TRPC7: variants seen among roughly 807,000 people sequenced by gnomAD.
The protein encoded by TRPC7 is transient receptor potential cation channel subfamily C member 7, also known as short transient receptor potential channel 7.
Under a neutral mutation model 90.1 loss-of-function variants are expected in TRPC7, and 42 were observed. That is an observed-to-expected ratio of 0.47 (90% CI 0.36 to 0.60). The LOEUF (loss-of-function observed/expected upper bound fraction) is 0.60, where lower values mean the gene tolerates loss of function less well. Among genes scored for constraint, TRPC7 ranks in the 20% least tolerant of loss-of-function variants. The pLI is 0.00. For missense variants in TRPC7, 955 were observed against 1,112.3 expected, an observed-to-expected ratio of 0.86 and a Z score of 2.01; for synonymous variants, 451 against 436.3, an observed-to-expected ratio of 1.03 and a Z score of -0.42.
At chr5:136,228,406 G>A (rs2149796015) in intron 8 of TRPC7, among the ~76,000 whole-genome samples, 1 of 151,122 alleles carries the variant, frequency 6.6e-6, no homozygotes, top group Non-Finnish European at 1.5e-5. Context: ...GAGCTGGAAA[G>A]TAAGCTAGAG....
chr5:136,314,725 G>A (rs1434239775), intron 3 of TRPC7, among the ~76,000 whole-genome samples: 1 of 152,152 alleles, frequency 6.6e-6, no homozygotes, highest in East Asian at 1.9e-4. Context: ...CAGTCTGGGG[G>A]CTTTAAAAAT....
chr5:136,243,213 G>T (rs1436272556), intron 7 of TRPC7, among the ~76,000 whole-genome samples: 1 of 152,092 alleles, frequency 6.6e-6, no homozygotes, highest in East Asian at 1.9e-4. Context: ...CACCCCTAGG[G>T]TGAGCAGAGC....
At chr5:136,262,917 G>A (rs1328632538) in intron 5 of TRPC7, among the ~76,000 whole-genome samples, 1 of 152,158 alleles carries the variant, frequency 6.6e-6, no homozygotes, top group Non-Finnish European at 1.5e-5. Flanking sequence ...GTTTTGGAAG[G>A]CTGAGGTGAT....
intron 3 of TRPC7, among the ~76,000 whole-genome samples, chr5:136,291,857 C>A (rs1459867804): frequency 6.6e-6 from 1 of 152,280 alleles, no homozygotes; most frequent in East Asian, 1.9e-4. Context: ...CAGCACCACA[C>A]CACACCAATT....
intron 2 of TRPC7, among the ~76,000 whole-genome samples, chr5:136,336,483 C>A (rs1759667666): frequency 6.6e-6 from 1 of 151,306 alleles, no homozygotes; most frequent in Admixed American, 6.6e-5. Flanking sequence ...AAATGAGAAG[C>A]AGAAAGGGCT....
At chr5:136,358,858 G>A (rs1204081340) in intron 1 of TRPC7, among the ~76,000 whole-genome samples, 2 of 152,116 alleles carry the variant, frequency 1.3e-5, no homozygotes, top group African/African-American at 4.8e-5. Context: ...ATTATTCAGA[G>A]AATATTAGAA....
chr5:136,274,707 A>G lies in TRPC7; in HGVS notation c.1094T>C (p.Leu365Pro), dbSNP rs1482761332. 6.2e-7 allele frequency: 1 copy of G among 1,613,554 alleles called. No homozygotes were observed. Among genetic ancestry groups the G allele is most frequent in the Non-Finnish European group, 8.5e-7 (1 of 1,179,784 alleles). The part of the protein sequence containing the change: ...VFGVSIGLPF[L>P]AIAYWIAPCS... Reference sequence around the variant, plus strand: ...CGGAGCAATCCAATAGGCTATGGCGAGAAAAGGGAGGCCTATGGAGACTCC... The same window carrying G: ...CGGAGCAATCCAATAGGCTATGGCGGGAAAAGGGAGGCCTATGGAGACTCC... The change falls in exon 4 of 12, where the codon CTC (leucine) becomes CCC (proline). Residue 365 changes from leucine to proline, a missense_variant. Physicochemically the swap from Leu to Pro is moderately conservative, Grantham distance 98. Coordinates refer to ENST00000513104, the MANE Select transcript of TRPC7 (RefSeq NM_020389.3).
chr5:136,270,197 A>G (rs1358240380), intron 4 of TRPC7, among the ~76,000 whole-genome samples: 2 of 152,098 alleles, frequency 1.3e-5, no homozygotes, highest in African/African-American at 4.8e-5. Flanking sequence ...TGGGCGGTGC[A>G]TTTGCATGCA....
At chr5:136,263,006 TAAAC>T (rs1756906052) in intron 5 of TRPC7, among the ~76,000 whole-genome samples, 1 of 152,206 alleles carries the variant, frequency 6.6e-6, no homozygotes, top group African/African-American at 2.4e-5. Context: ...AAACCAAAAC[TAAAC>T]AAACAAAAGA....
chr5:136,308,079 C>A (rs535174085), intron 3 of TRPC7, among the ~76,000 whole-genome samples: 1 of 152,314 alleles, frequency 6.6e-6, no homozygotes, highest in Admixed American at 6.5e-5. Flanking sequence ...TGCTGCCCCA[C>A]AAGTTCTATT....
intron 2 of TRPC7, among the ~76,000 whole-genome samples, chr5:136,345,105 CA>C (rs1396024297): frequency 6.6e-6 from 1 of 152,020 alleles, no homozygotes; most frequent in African/African-American, 2.4e-5. Context: ...TTAAATATAT[CA>C]AAAAGGTTGC....
Position 136,343,536 on chromosome 5 carries a change from C to T in TRPC7, c.780+13072G>A, listed in dbSNP as rs928303291. On this transcript the variant is annotated intron_variant, in intron 2 of 11. Coordinates refer to ENST00000513104, the MANE Select transcript of TRPC7 (RefSeq NM_020389.3). ...TGAACAGACAGGCCTTGGTCTATTA[C>T]AATTAGATCATACCCTTTTGTCTAA... Among the ~76,000 whole-genome samples the T allele has an allele frequency of 2.6e-5, 4 of 152,210 alleles. No individual in the cohort carries two copies. In the East Asian group the frequency reaches 7.7e-4, roughly 29 times the overall value.
intron 2 of TRPC7, among the ~76,000 whole-genome samples, chr5:136,340,720 A>G (rs544340359): frequency 6.6e-6 from 1 of 152,292 alleles, no homozygotes; most frequent in Non-Finnish European, 1.5e-5. Context: ...AGATAAAAAG[A>G]CAAGTTGAAA....
chr5:136,285,804 A>G (rs1757693584), intron 3 of TRPC7, among the ~76,000 whole-genome samples: 1 of 152,200 alleles, frequency 6.6e-6, no homozygotes. Context: ...TCCCATGCCT[A>G]TAAGGCTTTT....
chr5:136,270,411 G>A (rs1363874556), intron 4 of TRPC7, among the ~76,000 whole-genome samples: 1 of 152,210 alleles, frequency 6.6e-6, no homozygotes, highest in Non-Finnish European at 1.5e-5. Flanking sequence ...AGTGCCTGGT[G>A]TATGGGAAGT....
intron 3 of TRPC7, among the ~76,000 whole-genome samples, chr5:136,282,067 A>C (rs571938508): frequency 6.6e-6 from 1 of 152,344 alleles, no homozygotes; most frequent in East Asian, 1.9e-4. Flanking sequence ...ACATACATCC[A>C]AAGGTATTAA....
intron 4 of TRPC7, among the ~76,000 whole-genome samples, chr5:136,267,566 T>C (rs1757073921): frequency 6.6e-6 from 1 of 152,214 alleles, no homozygotes; most frequent in African/African-American, 2.4e-5. Flanking sequence ...GGGCCTTCTC[T>C]AAGTAGAATT....
At chr5:136,295,625 T>C (rs971286765) in intron 3 of TRPC7, among the ~76,000 whole-genome samples, 3 of 152,166 alleles carry the variant, frequency 2.0e-5, no homozygotes, top group African/African-American at 4.8e-5. Flanking sequence ...CACCACGTCC[T>C]CTAGGCTTCT....
At chr5:136,276,803 G>A (rs1191290267) in intron 3 of TRPC7, among the ~76,000 whole-genome samples, 2 of 152,194 alleles carry the variant, frequency 1.3e-5, no homozygotes, top group Non-Finnish European at 2.9e-5. Flanking sequence ...AGAGGAGCAA[G>A]CAATGGAAAG....
Sources: gnomAD v4.1 joint callset for allele counts (sites outside exome capture counted in the v4.1 genomes callset) on GRCh38, gnomAD v4.1.1 for gene constraint, MANE v1.5 for transcripts, NCBI Gene and HGNC (gene_info 2026-07-23, HGNC 2026-07-21) for gene names.